POU6F2: variants seen among roughly 807,000 people sequenced by gnomAD.
The protein encoded by POU6F2 is POU domain, class 6, transcription factor 2.
Under a neutral mutation model 71.3 loss-of-function variants are expected in POU6F2, and 31 were observed. The observed-to-expected ratio is 0.43, with a 90% CI of 0.33 to 0.59. The LOEUF (loss-of-function observed/expected upper bound fraction) is 0.59, where lower values mean the gene tolerates loss of function less well. Ranked by LOEUF, POU6F2 falls within the 20% of genes least tolerant of loss-of-function variation. POU6F2 has a pLI of 0.04. For synonymous variants in POU6F2, 347 were observed against 355.7 expected (o/e 0.98, Z 0.27); for missense variants, 783 against 856.8 (o/e 0.91, Z 1.07).
chr7:39,414,276 T>C (rs1787620954), intron 6 of POU6F2, among the ~76,000 whole-genome samples: 1 of 152,238 alleles, frequency 6.6e-6, no homozygotes, highest in African/African-American at 2.4e-5. Context: ...CGGTGATTTC[T>C]GTGCTGTTTT....
At chr7:39,271,362 TG>T (rs1784335272) in intron 4 of POU6F2, among the ~76,000 whole-genome samples, 1 of 152,120 alleles carries the variant, frequency 6.6e-6, no homozygotes, top group South Asian at 2.1e-4. Context: ...CTTTATGATG[TG>T]GGTGCCTTAC....
intron 2 of POU6F2, among the ~76,000 whole-genome samples, chr7:39,128,627 A>G (rs1201218443): frequency 6.6e-6 from 1 of 152,256 alleles, no homozygotes; most frequent in Non-Finnish European, 1.5e-5. Context: ...TCTGATTATT[A>G]TCAGTGACGA....
chr7:39,076,092 C>A (rs1353079141), intron 1 of POU6F2, among the ~76,000 whole-genome samples: 1 of 152,204 alleles, frequency 6.6e-6, no homozygotes, highest in Admixed American at 6.5e-5. Flanking sequence ...TAGTTTCAGA[C>A]ACAGCTGAAT....
At chr7:39,352,882 T>A (rs575178149) in intron 5 of POU6F2, among the ~76,000 whole-genome samples, 176 of 152,300 alleles carry the variant, frequency 1.2e-3, no homozygotes, top group Middle Eastern at 6.8e-3. Flanking sequence ...AAAGGAACTT[T>A]TGCAGCCCCT....
At chr7:39,461,280 A>G (rs1788944027) in intron 9 of POU6F2, among the ~76,000 whole-genome samples, 1 of 152,206 alleles carries the variant, frequency 6.6e-6, no homozygotes, top group Non-Finnish European at 1.5e-5. Flanking sequence ...TGGCTCAGAA[A>G]AGGGTAGTGA....
At chr7:39,303,398 C>T (rs928455519) in intron 4 of POU6F2, among the ~76,000 whole-genome samples, 2 of 152,214 alleles carry the variant, frequency 1.3e-5, no homozygotes, top group African/African-American at 4.8e-5. Context: ...CTGCCTGCCT[C>T]AGGCTCCCAA....
intron 1 of POU6F2, among the ~76,000 whole-genome samples, chr7:39,073,122 T>C (rs1195270207): frequency 6.6e-6 from 1 of 152,156 alleles, no homozygotes; most frequent in Non-Finnish European, 1.5e-5. Flanking sequence ...TCAATAAATA[T>C]TTGTTGAATT....
chr7:39,382,483 C>T (rs989389244), intron 5 of POU6F2, among the ~76,000 whole-genome samples: 1 of 152,164 alleles, frequency 6.6e-6, no homozygotes, highest in Admixed American at 6.5e-5. Flanking sequence ...GGAATAGACC[C>T]CACCCCAGCC....
At chr7:39,059,909 A>G (rs1332838847) in intron 1 of POU6F2, among the ~76,000 whole-genome samples, 4 of 152,158 alleles carry the variant, frequency 2.6e-5, no homozygotes, top group Admixed American at 2.6e-4. Flanking sequence ...CATTGTGCTA[A>G]GTTAAAGAAG....
At chr7:39,113,457 A>G (rs1346333293) in intron 2 of POU6F2, among the ~76,000 whole-genome samples, 2 of 152,172 alleles carry the variant, frequency 1.3e-5, no homozygotes, top group African/African-American at 4.8e-5. Context: ...ATTAAAAGAC[A>G]GAAGAATATG....
chr7:38,997,596 G>T (rs552321373), intron 1 of POU6F2, among the ~76,000 whole-genome samples: 3 of 152,104 alleles, frequency 2.0e-5, no homozygotes, highest in African/African-American at 7.2e-5. Context: ...ACCTCTAGGG[G>T]ATTACCCCCT....
intron 2 of POU6F2, among the ~76,000 whole-genome samples, chr7:39,094,689 G>A (rs1427538128): frequency 6.6e-6 from 1 of 152,030 alleles, no homozygotes; most frequent in Non-Finnish European, 1.5e-5. Flanking sequence ...TCCTGCAGGA[G>A]GGAATCATCA....
chr7:39,198,652 A>C (rs1411674647), intron 2 of POU6F2, among the ~76,000 whole-genome samples: 3 of 152,240 alleles, frequency 2.0e-5, no homozygotes, highest in African/African-American at 7.2e-5. Context: ...ATTTCCAAGC[A>C]TGGCTTGTAG....
chr7:39,065,654 TAATATAAC>T (rs1221590345), intron 1 of POU6F2, among the ~76,000 whole-genome samples: 2 of 151,482 alleles, frequency 1.3e-5, no homozygotes, highest in African/African-American at 4.8e-5. Context: ...AGTGATAAAA[TAATATAAC>T]ATACAATTCC....
At chr7:39,346,353 G>A (rs2115649543) in intron 5 of POU6F2, among the ~76,000 whole-genome samples, 1 of 152,310 alleles carries the variant, frequency 6.6e-6, no homozygotes, top group African/African-American at 2.4e-5. Flanking sequence ...CACACCACTG[G>A]CTATGGAAAC....
chr7:39,294,824 T>A (rs932525409), intron 4 of POU6F2, among the ~76,000 whole-genome samples: 1 of 152,098 alleles, frequency 6.6e-6, no homozygotes, highest in Non-Finnish European at 1.5e-5. Flanking sequence ...CACCTCAAGA[T>A]TGACTTGTAT....
chr7:39,012,784 G>A (rs1289735792), intron 1 of POU6F2, among the ~76,000 whole-genome samples: 5 of 148,932 alleles, frequency 3.4e-5, no homozygotes, highest in South Asian at 2.1e-4. Flanking sequence ...ATACCCTGCC[G>A]TGTGAGGTGT....
chr7:39,297,729 G>T (rs912596531), intron 4 of POU6F2, among the ~76,000 whole-genome samples: 2 of 148,566 alleles, frequency 1.3e-5, no homozygotes, highest in Admixed American at 6.6e-5. Flanking sequence ...AAAGCTGCAG[G>T]TATCACACTA....
intron 6 of POU6F2, 86 bp downstream of exon 6, chr7:39,406,826 T>C (rs894580229): frequency 2.0e-6 from 3 of 1,505,532 alleles, no homozygotes; most frequent in Admixed American, 1.7e-5. Flanking sequence ...GACAGTGATA[T>C]GTAACCGCAT....
Sources: allele counts gnomAD v4.1 joint callset (sites outside exome capture counted in the v4.1 genomes callset), GRCh38; gene constraint gnomAD v4.1.1; transcripts MANE v1.5; gene names NCBI Gene and HGNC (gene_info 2026-07-23, HGNC 2026-07-21).